Variants in DNAH6 observed in about 807,000 individuals in gnomAD.
DNAH6 encodes the protein dynein axonemal heavy chain 6, also known as axonemal beta dynein heavy chain 6.
A neutral mutation model predicts 491.4 loss-of-function variants in DNAH6; 340 were observed. The ratio of observed to expected loss-of-function variants is 0.69; its 90% CI spans 0.63 to 0.76. The LOEUF (loss-of-function observed/expected upper bound fraction) is 0.76. Among genes scored for constraint, DNAH6 ranks in the 30% least tolerant of loss-of-function variants. The probability of loss-of-function intolerance (pLI) is 0.00; values close to 1 mark genes in which losing one functional copy is unlikely to be tolerated. For missense variants in DNAH6, 4,443 were observed against 4,972.2 expected, an observed-to-expected ratio of 0.89 and a Z score of 3.20; for synonymous variants, 1,603 against 1,686.1, an observed-to-expected ratio of 0.95 and a Z score of 1.21.
chr2:84,585,816 T>G (rs908021064), intron 15 of DNAH6, among the ~76,000 whole-genome samples: 1 of 152,124 alleles, frequency 6.6e-6, no homozygotes, highest in Non-Finnish European at 1.5e-5. Flanking sequence ...CCCAGGGCTT[T>G]TATGGACCTC....
chr2:84,621,319 G>T lies in DNAH6; in HGVS notation c.3921G>T (p.Leu1307=). ...KAAIADYQGK[L]RTDWVVAGHP... ...CCATCGCTGACTATCAGGGGAAACT[G>T]AGGACAGACTGGGTGGTTGCTGGCC... is the stretch of plus-strand genomic sequence containing the variant. Residue 1307 remains leucine (L), a synonymous_variant, in exon 25 of 77, where the codon CTG becomes CTT. Transcript: ENST00000389394. 1 of 1,551,582 alleles carries T rather than the reference G, an allele frequency of 6.4e-7. No homozygotes were observed. The highest frequency in any genetic ancestry group is 1.4e-5 in the African/African-American group (1 of 73,168).
At chr2:84,685,004 T>C (rs751198032) in intron 42 of DNAH6, among the ~76,000 whole-genome samples, 5 of 152,174 alleles carry the variant, frequency 3.3e-5, no homozygotes, top group South Asian at 2.1e-4. Context: ...TTTAAAGTAA[T>C]GTGAGGCCCT....
intron 40 of DNAH6, among the ~76,000 whole-genome samples, chr2:84,674,745 T>G (rs1308871783): frequency 6.6e-6 from 1 of 152,168 alleles, no homozygotes; most frequent in Non-Finnish European, 1.5e-5. Flanking sequence ...AGAATTCCCC[T>G]GACTCAGTGC....
At chr2:84,589,075 C>A in intron 16 of DNAH6, 121 bp downstream of exon 16, 1 of 914,732 alleles carries the variant, frequency 1.1e-6, no homozygotes, top group African/African-American at 1.7e-5. Flanking sequence ...TGCTAGTCAG[C>A]ATGCTACAAA....
intron 59 of DNAH6, among the ~76,000 whole-genome samples, chr2:84,718,630 G>A (rs774798403): frequency 1.3e-5 from 2 of 152,180 alleles, no homozygotes; most frequent in African/African-American, 2.4e-5. Flanking sequence ...AACTGGACAA[G>A]ATATAAATCG....
At position 84,748,612 on chromosome 2, in the gene DNAH6, T is replaced by G. The variant is rs1171873334; in HGVS notation, c.10512+3363T>G. Among the ~76,000 whole-genome samples the G allele has an allele frequency of 2.0e-5, 3 of 152,216 alleles. No individual in the cohort carries two copies. In the East Asian group the frequency reaches 5.8e-4, roughly 29 times the overall value. ...ATTTCTGTCAGCATTTGGTCACAAC[T>G]TAGACAGTCTCTAGGAAGTCCCAAA... On this transcript the variant is annotated intron_variant, in intron 63 of 76. Transcript: ENST00000389394.
chr2:84,779,505 C>A (rs1256932795), intron 64 of DNAH6, among the ~76,000 whole-genome samples: 1 of 152,136 alleles, frequency 6.6e-6, no homozygotes, highest in Non-Finnish European at 1.5e-5. Context: ...CTTTCTCCAC[C>A]CCTTTACTTT....
At chr2:84,646,951 A>C (rs1487364000) in intron 33 of DNAH6, among the ~76,000 whole-genome samples, 1 of 152,094 alleles carries the variant, frequency 6.6e-6, no homozygotes, top group African/African-American at 2.4e-5. Flanking sequence ...GGGTTCAAGC[A>C]ATTCTCCTGC....
intron 11 of DNAH6, among the ~76,000 whole-genome samples, chr2:84,571,820 G>A (rs1681920464): frequency 6.6e-6 from 1 of 151,788 alleles, no homozygotes; most frequent in South Asian, 2.1e-4. Context: ...CCAGGAGACT[G>A]AGACGGAGAA....
At chr2:84,664,524 G>A (rs1056412789) in intron 37 of DNAH6, among the ~76,000 whole-genome samples, 3 of 152,160 alleles carry the variant, frequency 2.0e-5, no homozygotes, top group Non-Finnish European at 2.9e-5. Flanking sequence ...TAATAGTAAA[G>A]GGATCAATTC....
intron 66 of DNAH6, among the ~76,000 whole-genome samples, chr2:84,785,080 ACCCCTTC>A (rs1473363926): frequency 6.6e-6 from 1 of 152,106 alleles, no homozygotes; most frequent in Non-Finnish European, 1.5e-5. Context: ...TAAGAAGAGA[ACCCCTTC>A]TAGTGTTAAG....
chr2:84,606,634 C>A (rs1044852453), intron 20 of DNAH6, among the ~76,000 whole-genome samples: 1 of 152,086 alleles, frequency 6.6e-6, no homozygotes, highest in Non-Finnish European at 1.5e-5. Flanking sequence ...GAAATAAAGG[C>A]AAGCCCAGGT....
intron 61 of DNAH6, among the ~76,000 whole-genome samples, chr2:84,729,311 A>G (rs1392056577): frequency 1.3e-5 from 2 of 152,220 alleles, no homozygotes; most frequent in Non-Finnish European, 2.9e-5. Flanking sequence ...ACTTGTCCTG[A>G]TAACACACTT....
At chr2:84,485,833 C>T in the DNAH6 span, among the ~76,000 whole-genome samples, 2 of 151,892 alleles carry the variant, frequency 1.3e-5, no homozygotes. Context: ...ACACCCCCAA[C>T]CACTGATTCC....
intron 64 of DNAH6, among the ~76,000 whole-genome samples, chr2:84,780,432 AT>A (rs1676571947): frequency 6.6e-6 from 1 of 152,134 alleles, no homozygotes; most frequent in African/African-American, 2.4e-5. Flanking sequence ...TATGTTGTTA[AT>A]GCTTCCAATT....
chr2:84,508,149 C>T, the DNAH6 span, among the ~76,000 whole-genome samples: 3 of 152,194 alleles, frequency 2.0e-5, no homozygotes, highest in Admixed American at 2.0e-4. Flanking sequence ...ATGGTACCAG[C>T]TCCTCCTTGT....
At chr2:84,662,499 T>C (rs1691616166) in intron 37 of DNAH6, among the ~76,000 whole-genome samples, 1 of 152,178 alleles carries the variant, frequency 6.6e-6, no homozygotes, top group South Asian at 2.1e-4. Flanking sequence ...AGATCCTCAC[T>C]CACTGCTAGC....
At chr2:84,640,031 GT>G (rs1205347889) in intron 31 of DNAH6, among the ~76,000 whole-genome samples, 1 of 152,198 alleles carries the variant, frequency 6.6e-6, no homozygotes, top group Non-Finnish European at 1.5e-5. Flanking sequence ...AAGGGAGCTG[GT>G]GGTAATCACT....
In DNAH6 at chr2:84,686,128, C is replaced by T. The variant is rs534350562; in HGVS notation, c.7064-356C>T. ...ATGTGAACCCAGGAGGCGGAGGTTGCGGTGAGCCGAGATCGCATCATTGCA... is the reference window on the plus strand; with the variant it reads ...ATGTGAACCCAGGAGGCGGAGGTTGTGGTGAGCCGAGATCGCATCATTGCA... On this transcript the variant is annotated intron_variant, in intron 43 of 76. Coordinates refer to ENST00000389394, the MANE Select transcript of DNAH6 (RefSeq NM_001370.2). Among the ~76,000 whole-genome samples, 3 of 150,348 alleles carry T rather than the reference C, an allele frequency of 2.0e-5. No individual in the cohort carries two copies. The East Asian group carries it at 5.9e-4, about 30-fold the overall frequency.
Sources: allele counts gnomAD v4.1 joint callset (sites outside exome capture counted in the v4.1 genomes callset), GRCh38; gene constraint gnomAD v4.1.1; transcripts MANE v1.5; gene names NCBI Gene and HGNC (gene_info 2026-07-23, HGNC 2026-07-21).